The following GSC2 variants were observed in gnomAD, a reference collection of about 807,000 sequenced individuals.
GSC2 encodes the protein homeobox protein goosecoid-2.
Under a neutral mutation model 11.3 loss-of-function variants are expected in GSC2, and 12 were observed. The ratio of observed to expected loss-of-function variants is 1.06; its 90% CI spans 0.68 to 1.72. The LOEUF (loss-of-function observed/expected upper bound fraction) is 1.72. Among genes scored for constraint, GSC2 ranks in the 40% most tolerant of loss-of-function variants. The pLI is 0.00. For synonymous variants in GSC2, 148 were observed against 110.0 expected (o/e 1.35, Z -2.16); for missense variants, 310 against 235.7 (o/e 1.32, Z -2.06).
At chr22:19,149,988 T>TCCGCCGGGCCCCGCGCC (rs1555918143) in intron 1 of GSC2, 37 bp downstream of exon 1, 16 of 1,129,372 alleles carry the variant, frequency 1.4e-5, no homozygotes, top group Non-Finnish European at 1.6e-5. Context: ...CGCCCCGGGC[T>TCCGCCGGGCCCCGCGCC]CCGCCGGGCC....
chr22:19,148,933 C>T lies in GSC2; in HGVS notation c.*58G>A. 3.9e-6 allele frequency: 4 copies of T among 1,038,282 alleles called. No individual in the cohort carries two copies. Among genetic ancestry groups the T allele is most frequent in the Admixed American group, 2.2e-5 (1 of 44,994 alleles). 64.3% of individuals were successfully genotyped at this position (1,038,282 alleles called of 1,614,324 possible). ...TTCGGGTAGACCTGTCTTCTCTCAG[C>T]GCCAACTCCAAAGATCCCAAAAAGG... On this transcript the variant is annotated 3_prime_UTR_variant, in exon 3 of 3. Transcript: ENST00000086933.
In GSC2 at chr22:19,147,265, G is replaced by A. The variant is rs782557814; in HGVS notation, c.*1726C>T. 2.8e-4 allele frequency among the ~76,000 whole-genome samples: 42 copies of A among 152,252 alleles called. No homozygotes were observed. Among genetic ancestry groups the A allele is most frequent in the Non-Finnish European group, 5.7e-4 (39 of 68,022 alleles). ...TGAGATGTAAATGTGGCAGAAAGAT[G>A]GGAATTGGAGTCTGAGGGTAAAAGA... On this transcript the variant is annotated 3_prime_UTR_variant, in exon 3 of 3. Transcript: ENST00000086933.
intron 2 of GSC2, among the ~76,000 whole-genome samples, 160 bp downstream of exon 2, chr22:19,149,503 C>T (rs1288089934): frequency 1.3e-5 from 2 of 152,244 alleles, no homozygotes; most frequent in Admixed American, 6.5e-5. Flanking sequence ...CTCCTCATAC[C>T]CCCGGACGCC....
Position 19,148,252 on chromosome 22 carries a change from G to C in GSC2, c.*739C>G, listed in dbSNP as rs1444353514. On this transcript the variant is annotated 3_prime_UTR_variant, in exon 3 of 3. Coordinates refer to ENST00000086933, the MANE Select transcript of GSC2 (RefSeq NM_005315.2). ...CCTGGTGCAGAGACTGAGGATCGCT[G>C]AGCTGTGCTCCTCTCAAAGACAGCT... 6.6e-6 allele frequency among the ~76,000 whole-genome samples: 1 copy of C among 152,198 alleles called. No homozygotes were observed. Among genetic ancestry groups the C allele is most frequent in the Non-Finnish European group, 1.5e-5 (1 of 68,034 alleles).
chr22:19,149,539 T>G, intron 2 of GSC2, 124 bp downstream of exon 2: 1 of 1,121,480 alleles, frequency 8.9e-7, no homozygotes, highest in Non-Finnish European at 1.2e-6. Context: ...ACCTCCTCCC[T>G]CCGGCGCGCC....
rs1028805920 is a variant in GSC2 at position 19,149,521 on chromosome 22, G to C, written c.513+142C>G. ...CTCATACCCCCGGACGCCCAGCGCC[G>C]TCCAGGGACCTCCTCCCTCCGGCGC... On this transcript the variant is annotated intron_variant, in intron 2 of 2. Coordinates refer to ENST00000086933, the MANE Select transcript of GSC2 (RefSeq NM_005315.2). 34 of 932,102 alleles carry C rather than the reference G, an allele frequency of 3.6e-5. 1 individual carries two copies. In the Middle Eastern group the frequency reaches 2.0e-3, roughly 56 times the overall value. The allele number at this position is 932,102 out of a possible 1,614,324, so 57.7% of individuals were successfully genotyped here. A position where few individuals can be genotyped will look rare whatever the true frequency, so the allele number is the denominator to read the frequency against.
Position 19,150,193 on chromosome 22 carries a change from C to T in GSC2, c.91G>A (p.Glu31Lys), listed in dbSNP as rs782746766. The T allele has an allele frequency of 2.9e-5, 14 of 483,936 alleles. No individual in the cohort carries two copies. In the South Asian group the frequency reaches 8.3e-4, roughly 29 times the overall value. The allele number at this position is 483,936 out of a possible 1,614,324, so 30.0% of individuals were successfully genotyped here. ...SIEHILSSLP[E>K]RSLPARAACP... is the part of the protein sequence containing the mutation. ...GCGGCCCGGGCCGGGAGGCTCCGCTCGGGCAGGCTGGAGAGGATGTGCTCG... is the reference window on the plus strand; with the variant it reads ...GCGGCCCGGGCCGGGAGGCTCCGCTTGGGCAGGCTGGAGAGGATGTGCTCG... Residue 31 changes from glutamate (E) to lysine (K), a missense_variant, in exon 1 of 3, where the codon GAG (glutamate) becomes AAG (lysine). Coordinates refer to ENST00000086933, the MANE Select transcript of GSC2 (RefSeq NM_005315.2).
Position 19,149,732 on chromosome 22 carries a change from G to A in GSC2, c.444C>T (p.Asn148=). 1 of 1,593,854 alleles carries A rather than the reference G, an allele frequency of 6.3e-7. No individual in the cohort carries two copies. The highest frequency in any genetic ancestry group is 8.5e-7 in the Non-Finnish European group (1 of 1,172,100). The part of the protein sequence containing the change: ...LQALEALFVQ[N]QYPDVSTRER... ...CGCGCGTACTCACGTCAGGATACTGGTTCTGCACGAAAAGCGCCTCGAGCG... is the reference window on the plus strand; with the variant it reads ...CGCGCGTACTCACGTCAGGATACTGATTCTGCACGAAAAGCGCCTCGAGCG... The change falls in exon 2 of 3, where the codon AAC becomes AAT. Residue 148 remains asparagine, a synonymous_variant. Transcript: ENST00000086933.
chr22:19,150,074 G>A lies in GSC2; in HGVS notation c.210C>T (p.Cys70=). 2 of 960,822 alleles carry A rather than the reference G, an allele frequency of 2.1e-6. No homozygotes were observed. The highest frequency in any genetic ancestry group is 2.5e-6 in the Non-Finnish European group (2 of 806,500). 59.5% of individuals were successfully genotyped at this position (960,822 alleles called of 1,614,324 possible). A position where few individuals can be genotyped will look rare whatever the true frequency, so the allele number is the denominator to read the frequency against. ...EAAPCACCCC[C]GPRAAPCGPP... ...GCCCGCAGGGCGCCGCGCGGGGGCCGCAGCAGCAGCAGCAGGCGCAGGGCG... is the reference window on the plus strand; with the variant it reads ...GCCCGCAGGGCGCCGCGCGGGGGCCACAGCAGCAGCAGCAGGCGCAGGGCG... Residue 70 remains cysteine, a synonymous_variant, in exon 1 of 3, where the codon TGC becomes TGT. Coordinates refer to ENST00000086933, the MANE Select transcript of GSC2 (RefSeq NM_005315.2).
Position 19,148,835 on chromosome 22 carries a change from C to G in GSC2, c.*156G>C, listed in dbSNP as rs782159667. Reference sequence around the variant, plus strand: ...CACCGGGGGCCCGTCCCCAGCGCCACGGCAGCACGAGCTGCAGGAGGCAAG... The same window carrying G: ...CACCGGGGGCCCGTCCCCAGCGCCAGGGCAGCACGAGCTGCAGGAGGCAAG... On this transcript the variant is annotated 3_prime_UTR_variant, in exon 3 of 3. Transcript: ENST00000086933. 1.8e-6 allele frequency: 1 copy of G among 550,578 alleles called. No homozygotes were observed. The highest frequency in any genetic ancestry group is 3.2e-6 in the Non-Finnish European group (1 of 310,192). The allele number at this position is 550,578 out of a possible 1,614,324, so 34.1% of individuals were successfully genotyped here.
chr22:19,147,699 C>A lies in GSC2; in HGVS notation c.*1292G>T, dbSNP rs5748007. 0.31 allele frequency among the ~76,000 whole-genome samples: 46,594 copies of A among 151,992 alleles called. 7,695 individuals carry two copies. The highest frequency in any genetic ancestry group is 0.45 in the East Asian group (2,322 of 5,166). On this transcript the variant is annotated 3_prime_UTR_variant, in exon 3 of 3. Coordinates refer to ENST00000086933, the MANE Select transcript of GSC2 (RefSeq NM_005315.2). ...CTAGGGACACCCAGCAGTGTCAGGGCAGTTCTGACTGGGGACACCATGCTT... is the reference window on the plus strand; with the variant it reads ...CTAGGGACACCCAGCAGTGTCAGGGAAGTTCTGACTGGGGACACCATGCTT...
intron 2 of GSC2, 87 bp from the exon 3 acceptor site, chr22:19,149,182 T>G: frequency 2.5e-6 from 2 of 791,626 alleles, no homozygotes; most frequent in Non-Finnish European, 3.9e-6. Flanking sequence ...AGAGGGGAGC[T>G]TCGCAACAGG....
At position 19,149,657 on chromosome 22, in the gene GSC2, A is replaced by G. The variant is rs1428096139; in HGVS notation, c.513+6T>C. The G allele has an allele frequency of 5.2e-6, 8 of 1,532,478 alleles. No individual in the cohort carries two copies. The African/African-American group carries it at 7.1e-5, about 14-fold the overall frequency. The allele number at this position is 1,532,478 out of a possible 1,614,324, so 94.9% of individuals were successfully genotyped here. The stretch of plus-strand genomic sequence containing the variant: ...GCTCCGGGGAAAGGCTGGGCGGGGC[A>G]CTCACCTCCACGCGCTCCTCGCGAA... On this transcript the variant is annotated splice_donor_region_variant and intron_variant, in intron 2 of 2. Coordinates refer to ENST00000086933, the MANE Select transcript of GSC2 (RefSeq NM_005315.2).
chr22:19,149,555 G>A, intron 2 of GSC2, 108 bp downstream of exon 2: 1 of 1,232,092 alleles, frequency 8.1e-7, no homozygotes, highest in Non-Finnish European at 1.1e-6. Flanking sequence ...GCGCCAGGGC[G>A]GGGCTTGGGC....
chr22:19,149,124 G>T, intron 2 of GSC2, 29 bp from the exon 3 acceptor site: 1 of 1,351,118 alleles, frequency 7.4e-7, no homozygotes, highest in Non-Finnish European at 1.0e-6. Context: ...CTCAGCCCTA[G>T]CCCCAGGTCC....
In GSC2 at chr22:19,149,874, G is replaced by C. The variant is rs2083818231; in HGVS notation, c.302C>G (p.Pro101Arg). Residue 101 changes from proline (P) to arginine (R), a missense_variant, in exon 2 of 3, where the codon CCC becomes CGC. By Grantham distance (103) the Pro-to-Arg change is moderately radical. Transcript: ENST00000086933. ...AWPLRLGPAV[P>R]LSLGAPAGGS... ...TCCGGCTGGCGCACCCAGAGACAAG[G>C]GCACCGCCGGTCCCAGCCTCAGCGG... 6.9e-7 allele frequency: 1 copy of C among 1,459,792 alleles called. No individual in the cohort carries two copies. The highest frequency in any genetic ancestry group is 9.0e-7 in the Non-Finnish European group (1 of 1,111,296). 90.4% of individuals were successfully genotyped at this position (1,459,792 alleles called of 1,614,324 possible).
At position 19,149,920 on chromosome 22, in the gene GSC2, C is replaced by T; in HGVS notation, c.260-4G>A. 2 of 1,332,348 alleles carry T rather than the reference C, an allele frequency of 1.5e-6. No individual in the cohort carries two copies. The highest frequency in any genetic ancestry group is 1.9e-5 in the South Asian group (1 of 51,690). 82.5% of individuals were successfully genotyped at this position (1,332,348 alleles called of 1,614,324 possible). The stretch of plus-strand genomic sequence containing the variant: ...AGCGGCCACGCCAGACGAGCGCCTG[C>T]GGAGCGAGGGCGCGGTGAGGCGCGG... On this transcript the variant is annotated splice_polypyrimidine_tract_variant and splice_region_variant and intron_variant, in intron 1 of 2. Coordinates refer to ENST00000086933, the MANE Select transcript of GSC2 (RefSeq NM_005315.2).
Position 19,150,084 on chromosome 22 carries a change from C to T in GSC2, c.200G>A (p.Cys67Tyr). The change falls in exon 1 of 3, where the codon TGC becomes TAC. Residue 67 changes from cysteine to tyrosine, a missense_variant. Transcript: ENST00000086933. The stretch of plus-strand genomic sequence containing the variant: ...CGCCGCGCGGGGGCCGCAGCAGCAG[C>T]AGCAGGCGCAGGGCGCAGCCTCGGG... The part of the protein sequence containing the change: ...GAPEAAPCAC[C>Y]CCCGPRAAPC... 5 of 1,000,734 alleles carry T rather than the reference C, an allele frequency of 5.0e-6. No homozygotes were observed. The highest frequency in any genetic ancestry group is 5.9e-6 in the Non-Finnish European group (5 of 841,174). The allele number at this position is 1,000,734 out of a possible 1,614,324, so 62.0% of individuals were successfully genotyped here. A position where few individuals can be genotyped will look rare whatever the true frequency, so the allele number is the denominator to read the frequency against.
chr22:19,150,012 C>T lies in GSC2; in HGVS notation c.259+13G>A, dbSNP rs1360773493. On this transcript the variant is annotated intron_variant, in intron 1 of 2. Coordinates refer to ENST00000086933, the MANE Select transcript of GSC2 (RefSeq NM_005315.2). Reference sequence around the variant, plus strand: ...CTCCGCCGGGCCCCGCGCCCCGCTCCGCGCCCACTCACCCAGCCCGGCGGC... The same window carrying T: ...CTCCGCCGGGCCCCGCGCCCCGCTCTGCGCCCACTCACCCAGCCCGGCGGC... 1.9e-6 allele frequency: 2 copies of T among 1,057,894 alleles called. No individual in the cohort carries two copies. Among genetic ancestry groups the T allele is most frequent in the African/African-American group, 3.4e-5 (2 of 58,516 alleles). 65.5% of individuals were successfully genotyped at this position (1,057,894 alleles called of 1,614,324 possible).
Sources: allele counts gnomAD v4.1 joint callset (sites outside exome capture counted in the v4.1 genomes callset), GRCh38; gene constraint gnomAD v4.1.1; transcripts MANE v1.5; gene names NCBI Gene and HGNC (gene_info 2026-07-23, HGNC 2026-07-21).